Variants in ACACA observed in about 807,000 individuals in gnomAD.
ACACA encodes acetyl-CoA carboxylase alpha, also known as acetyl-CoA carboxylase 1.
A neutral mutation model predicts 296.1 loss-of-function variants in ACACA; 103 were observed. That is an observed-to-expected ratio of 0.35 (90% CI 0.30 to 0.41). The LOEUF (loss-of-function observed/expected upper bound fraction) is 0.41. ACACA is among the 10% of genes least tolerant of loss of function. ACACA has a pLI of 1.00. For synonymous variants in ACACA, 953 were observed against 1,038.6 expected (o/e 0.92, Z 1.58); for missense variants, 1,554 against 2,989.7 (o/e 0.52, Z 11.20).
chr17:37,283,875 A>G (rs954066120), intron 4 of ACACA, among the ~76,000 whole-genome samples: 2 of 152,246 alleles, frequency 1.3e-5, no homozygotes, highest in African/African-American at 4.8e-5. Context: ...ACTGAACTCC[A>G]ATACCTTAGA....
At chr17:37,181,107 G>A in intron 40 of ACACA, 94 bp downstream of exon 40, 2 of 1,348,326 alleles carry the variant, frequency 1.5e-6, no homozygotes, top group Non-Finnish European at 1.1e-6. Context: ...TTGCCCTTTG[G>A]AGTGCCCCCT....
intron 25 of ACACA, among the ~76,000 whole-genome samples, chr17:37,227,575 A>G (rs2145740848): frequency 6.6e-6 from 1 of 152,236 alleles, no homozygotes; most frequent in African/African-American, 2.4e-5. Flanking sequence ...TAAATAAAAC[A>G]AAAAATTTTT....
rs141728808 is a variant in ACACA, at chr17:37,347,150, G to A, written c.39-7300C>T. ...GGTGGGTCTTTCCCATGCTGTTCTC[G>A]TGTTAGTGAATAAGTCTCACGAGTT... is the stretch of plus-strand genomic sequence containing the variant. On this transcript the variant is annotated intron_variant, in intron 1 of 55. Transcript: ENST00000616317. Among the ~76,000 whole-genome samples, 53 of 152,204 alleles carry A rather than the reference G, an allele frequency of 3.5e-4. 1 individual carries two copies. The East Asian group carries it at 7.9e-3, about 23-fold the overall frequency.
chr17:37,399,673 A>C (rs968915295), intron 1 of ACACA, among the ~76,000 whole-genome samples: 1 of 152,170 alleles, frequency 6.6e-6, no homozygotes, highest in Non-Finnish European at 1.5e-5. Context: ...GTACATGAGA[A>C]AGAAGTCAGT....
intron 3 of ACACA, among the ~76,000 whole-genome samples, chr17:37,317,990 C>T (rs551517954): frequency 6.6e-6 from 1 of 151,990 alleles, no homozygotes; most frequent in African/African-American, 2.4e-5. Flanking sequence ...CAACTGGGAA[C>T]CTCAGAATAT....
chr17:37,161,581 G>A, intron 42 of ACACA, 200 bp downstream of exon 42: 1 of 666,568 alleles, frequency 1.5e-6, no homozygotes, highest in African/African-American at 1.8e-5. Flanking sequence ...ATAGATGGAA[G>A]AAAAACCAAG....
chr17:37,347,778 T>G (rs2048700165), intron 1 of ACACA, among the ~76,000 whole-genome samples: 1 of 150,642 alleles, frequency 6.6e-6, no homozygotes, highest in Non-Finnish European at 1.5e-5. Context: ...GAAAAAAAAT[T>G]TTTTAACAAG....
chr17:37,359,094 G>C (rs2049284476), intron 1 of ACACA: 1 of 985,622 alleles, frequency 1.0e-6, no homozygotes, highest in Admixed American at 6.1e-5. Flanking sequence ...GGCGATGGCT[G>C]ACAGGCGTGC....
At chr17:37,375,837 T>G in intron 1 of ACACA, 1 of 458,384 alleles carries the variant, frequency 2.2e-6, no homozygotes, top group East Asian at 3.3e-5. Context: ...GGTAATCTAG[T>G]TCTCTATGTC....
At chr17:37,195,521 CT>C (rs921042474) in intron 35 of ACACA, among the ~76,000 whole-genome samples, 50 of 147,576 alleles carry the variant, frequency 3.4e-4, no homozygotes, top group Non-Finnish European at 4.2e-4. Context: ...ATATAAACAA[CT>C]TTTTTTTTTT....
At chr17:37,137,363 C>T (rs1334110605) in intron 45 of ACACA, among the ~76,000 whole-genome samples, 1 of 152,062 alleles carries the variant, frequency 6.6e-6, no homozygotes, top group East Asian at 1.9e-4. Flanking sequence ...ATCTCTGTGG[C>T]CTTTTGGTTT....
chr17:37,306,116 G>C (rs2083874219), intron 3 of ACACA, among the ~76,000 whole-genome samples: 1 of 151,962 alleles, frequency 6.6e-6, no homozygotes, highest in African/African-American at 2.4e-5. Flanking sequence ...CACCGTGTTA[G>C]CCAGGATGGT....
intron 10 of ACACA, among the ~76,000 whole-genome samples, chr17:37,266,603 T>C (rs1265353102): frequency 6.6e-6 from 1 of 152,188 alleles, no homozygotes; most frequent in Non-Finnish European, 1.5e-5. Context: ...ATTTTTTACT[T>C]TGCAAATCTT....
At position 37,200,536 on chromosome 17, in the gene ACACA, A is replaced by C. The variant is rs948543004; in HGVS notation, c.4057-53T>G. The C allele has an allele frequency of 1.5e-5, 22 of 1,516,270 alleles. No individual in the cohort carries two copies. In the Admixed American group the frequency reaches 1.8e-4, roughly 13 times the overall value. 93.9% of individuals were successfully genotyped at this position (1,516,270 alleles called of 1,614,324 possible). A position where few individuals can be genotyped will look rare whatever the true frequency, so the allele number is the denominator to read the frequency against. On this transcript the variant is annotated intron_variant, in intron 33 of 55. Transcript: ENST00000616317. ...GATAGATGAGATTTCCATTCATTCTAAATTTTATCCCATTCGGCCCTTGTA... is the reference window on the plus strand; with the variant it reads ...GATAGATGAGATTTCCATTCATTCTCAATTTTATCCCATTCGGCCCTTGTA...
chr17:37,151,200 G>C, intron 44 of ACACA, 101 bp downstream of exon 44: 2 of 1,340,060 alleles, frequency 1.5e-6, no homozygotes, highest in Non-Finnish European at 2.1e-6. Context: ...CAATCTTCAA[G>C]AAATGCTCTC....
At chr17:37,133,955 G>C (rs1031412844) in intron 45 of ACACA, among the ~76,000 whole-genome samples, 1 of 152,150 alleles carries the variant, frequency 6.6e-6, no homozygotes, top group Non-Finnish European at 1.5e-5. Flanking sequence ...GAATCTGAGA[G>C]GAAAGAGGAT....
At chr17:37,325,579 C>G (rs371176664) in intron 3 of ACACA, among the ~76,000 whole-genome samples, 2 of 67,922 alleles carry the variant, frequency 2.9e-5, no homozygotes, top group Non-Finnish European at 5.0e-5. Flanking sequence ...TCTTTTCTTT[C>G]TTTTTTTTTT....
intron 26 of ACACA, among the ~76,000 whole-genome samples, chr17:37,225,818 A>G (rs1007248757): frequency 3.3e-5 from 5 of 152,188 alleles, no homozygotes; most frequent in African/African-American, 1.2e-4. Flanking sequence ...GGGAGTGCCA[A>G]CTCTTGGCTT....
intron 10 of ACACA, among the ~76,000 whole-genome samples, chr17:37,269,983 A>G (rs1203266312): frequency 6.6e-6 from 1 of 152,150 alleles, no homozygotes; most frequent in Non-Finnish European, 1.5e-5. Flanking sequence ...GGACAGAACA[A>G]AAAGAGACCC....
Sources: gnomAD v4.1 joint callset for allele counts (sites outside exome capture counted in the v4.1 genomes callset) on GRCh38, gnomAD v4.1.1 for gene constraint, MANE v1.5 for transcripts, NCBI Gene and HGNC (gene_info 2026-07-23, HGNC 2026-07-21) for gene names.